PALLD: variants seen among roughly 807,000 people sequenced by gnomAD.
PALLD encodes palladin, cytoskeletal associated protein.
A neutral mutation model predicts 123.5 loss-of-function variants in PALLD; 61 were observed. That is an observed-to-expected ratio of 0.49 (90% CI 0.40 to 0.61). PALLD has a LOEUF of 0.61. Among genes scored for constraint, PALLD ranks in the 20% least tolerant of loss-of-function variants. The pLI is 0.00. For synonymous variants in PALLD, 465 were observed against 496.4 expected (o/e 0.94, Z 0.84); for missense variants, 1,273 against 1,377.0 (o/e 0.92, Z 1.20).
At chr4:168,833,337 C>T (rs191632541) in intron 10 of PALLD, among the ~76,000 whole-genome samples, 232 of 152,184 alleles carry the variant, frequency 1.5e-3, no homozygotes, top group African/African-American at 5.3e-3. Context: ...CGAACAGGCC[C>T]GGGCACACCG....
chr4:168,766,277 GGCAGCTCT>G (rs1428950655), intron 10 of PALLD, among the ~76,000 whole-genome samples: 1 of 152,050 alleles, frequency 6.6e-6, no homozygotes, highest in Non-Finnish European at 1.5e-5. Flanking sequence ...TAGACTTCTG[GGCAGCTCT>G]GCCTATGGAA....
chr4:168,789,717 A>C lies in PALLD; in HGVS notation c.1964+77794A>C, dbSNP rs9684336. ...GACTCCGTCTCAAAAAAAAAAAAAA[A>C]AAAGTAGGAAGTAATGCTGATAACT... On this transcript the variant is annotated intron_variant, in intron 10 of 21. Coordinates refer to ENST00000505667, the MANE Select transcript of PALLD (RefSeq NM_001166108.2). Among the ~76,000 whole-genome samples, 6 of 152,148 alleles carry C rather than the reference A, an allele frequency of 3.9e-5. No individual in the cohort carries two copies. The South Asian group carries it at 8.3e-4, about 21-fold the overall frequency.
At chr4:168,892,324 A>T (rs988993937) in intron 11 of PALLD, among the ~76,000 whole-genome samples, 3 of 152,112 alleles carry the variant, frequency 2.0e-5, no homozygotes, top group Admixed American at 6.6e-5. Flanking sequence ...TTTTGTATAA[A>T]ATCTCCCTTT....
At chr4:168,730,037 A>T (rs1043155943) in intron 10 of PALLD, among the ~76,000 whole-genome samples, 3 of 152,236 alleles carry the variant, frequency 2.0e-5, no homozygotes, top group Non-Finnish European at 4.4e-5. Flanking sequence ...TTCAGAAATT[A>T]TAGAAAATAG....
chr4:168,808,534 A>G (rs750136195), intron 10 of PALLD, among the ~76,000 whole-genome samples: 13 of 152,222 alleles, frequency 8.5e-5, no homozygotes, highest in Non-Finnish European at 1.2e-4. Context: ...GAGTAGATAC[A>G]TAAGAGGAAG....
At chr4:168,900,994 G>A (rs1756396524) in intron 14 of PALLD, among the ~76,000 whole-genome samples, 1 of 152,136 alleles carries the variant, frequency 6.6e-6, no homozygotes, top group African/African-American at 2.4e-5. Context: ...CATGAAAGAT[G>A]GGCTTTTGTT....
At chr4:168,790,287 C>T (rs1038211446) in intron 10 of PALLD, among the ~76,000 whole-genome samples, 8 of 151,862 alleles carry the variant, frequency 5.3e-5, no homozygotes, top group Non-Finnish European at 1.5e-5. Context: ...TCAGCCTCCC[C>T]AGTACCTGGG....
At chr4:168,596,971 A>G (rs1772051897) in intron 2 of PALLD, among the ~76,000 whole-genome samples, 1 of 152,062 alleles carries the variant, frequency 6.6e-6, no homozygotes, top group Non-Finnish European at 1.5e-5. Context: ...GGTAAATCTA[A>G]TAAAAATTGA....
intron 10 of PALLD, among the ~76,000 whole-genome samples, chr4:168,731,595 A>G (rs560688959): frequency 8.9e-4 from 135 of 152,392 alleles, no homozygotes; most frequent in African/African-American, 3.1e-3. Context: ...GTTCACAATG[A>G]ATCCTTTGTT....
At chr4:168,862,688 A>G (rs1276334103) in intron 10 of PALLD, among the ~76,000 whole-genome samples, 2 of 152,234 alleles carry the variant, frequency 1.3e-5, no homozygotes, top group Non-Finnish European at 2.9e-5. Flanking sequence ...TGAACTAATT[A>G]TTTAGATCAG....
At chr4:168,670,781 A>C (rs1225833426) in intron 3 of PALLD, among the ~76,000 whole-genome samples, 1 of 137,952 alleles carries the variant, frequency 7.2e-6, no homozygotes, top group South Asian at 2.2e-4. Flanking sequence ...AAAACAAAAA[A>C]AAAAAAACAA....
intron 2 of PALLD, among the ~76,000 whole-genome samples, chr4:168,625,984 A>G (rs866070337): frequency 1.3e-5 from 2 of 152,114 alleles, no homozygotes; most frequent in Non-Finnish European, 1.5e-5. Flanking sequence ...TGTTGGGCTA[A>G]TAGATAAAGA....
chr4:168,743,386 A>C (rs958948897), intron 10 of PALLD, among the ~76,000 whole-genome samples: 2 of 152,188 alleles, frequency 1.3e-5, no homozygotes, highest in African/African-American at 2.4e-5. Context: ...TCTAAGACAG[A>C]AACTTAATAT....
At position 168,877,697 on chromosome 4, in the gene PALLD, G is replaced by A. The variant is rs564175085; in HGVS notation, c.1965-13225G>A. ...CGTTCCTGGCCGTTCCATCTCTGAA[G>A]GTGTCACTTCTCTTTTTCCCCCCAG... On this transcript the variant is annotated intron_variant, in intron 10 of 21. Transcript: ENST00000505667. 1.1e-4 allele frequency: 123 copies of A among 1,096,408 alleles called. 1 individual carries two copies. The East Asian group carries it at 5.3e-3, about 47-fold the overall frequency. 67.9% of individuals were successfully genotyped at this position (1,096,408 alleles called of 1,614,324 possible).
At chr4:168,799,766 C>T (rs1739048809) in intron 10 of PALLD, among the ~76,000 whole-genome samples, 1 of 152,090 alleles carries the variant, frequency 6.6e-6, no homozygotes, top group South Asian at 2.1e-4. Context: ...TGTTAAGCTA[C>T]TATGGAAATT....
At chr4:168,592,793 G>A (rs1353400649) in intron 2 of PALLD, among the ~76,000 whole-genome samples, 1 of 151,804 alleles carries the variant, frequency 6.6e-6, no homozygotes, top group African/African-American at 2.4e-5. Context: ...CTGCTTGTCT[G>A]TCTAGAAGCC....
Position 168,625,502 on chromosome 4 carries a change from G to GATAGATAGATAGATAGATATATATAT in PALLD, c.909-42685_909-42684insGATAGATAGATAGATATATATATATA. On this transcript the variant is annotated intron_variant, in intron 2 of 21. Transcript: ENST00000505667. ...TCCAATAAGGGATTAATATCCAGGA[G>GATAGATAGATAGATAGATATATATAT]ATATATATATATATATCCTATAAGG... is the stretch of plus-strand genomic sequence containing the variant. Among the ~76,000 whole-genome samples the GATAGATAGATAGATAGATATATATAT allele has an allele frequency of 2.8e-4, 32 of 114,460 alleles. 1 individual carries two copies. Among genetic ancestry groups the GATAGATAGATAGATAGATATATATAT allele is most frequent in the Admixed American group, 6.3e-4 (6 of 9,592 alleles). 75.1% of individuals were successfully genotyped at this position (114,460 alleles called of 152,430 possible). A position where few individuals can be genotyped will look rare whatever the true frequency, so the allele number is the denominator to read the frequency against.
At chr4:168,742,216 A>T (rs1389422593) in intron 10 of PALLD, among the ~76,000 whole-genome samples, 1 of 152,210 alleles carries the variant, frequency 6.6e-6, no homozygotes, top group African/African-American at 2.4e-5. Context: ...AGTGTTGTCC[A>T]TCTCTCCGTC....
intron 2 of PALLD, among the ~76,000 whole-genome samples, chr4:168,620,325 C>T (rs1048322831): frequency 1.3e-5 from 2 of 152,054 alleles, no homozygotes; most frequent in African/African-American, 2.4e-5. Context: ...CGTGGTGGCA[C>T]GCTCCTGTAA....
Sources: gnomAD v4.1 joint callset for allele counts (sites outside exome capture counted in the v4.1 genomes callset) on GRCh38, gnomAD v4.1.1 for gene constraint, MANE v1.5 for transcripts, NCBI Gene and HGNC (gene_info 2026-07-23, HGNC 2026-07-21) for gene names.